RASAL2: variants seen among roughly 807,000 people sequenced by gnomAD.
RASAL2 encodes ras GTPase-activating protein nGAP.
Under a neutral mutation model 128.9 loss-of-function variants are expected in RASAL2, and 58 were observed. The observed-to-expected ratio is 0.45, with a 90% confidence interval of 0.36 to 0.56. The LOEUF (loss-of-function observed/expected upper bound fraction) is 0.56, where lower values mean the gene tolerates loss of function less well. RASAL2 is among the 20% of genes least tolerant of loss of function. The pLI is 0.00. For synonymous variants in RASAL2, 561 were observed against 580.8 expected, an observed-to-expected ratio of 0.97 and a Z score of 0.49; for missense variants, 1,360 against 1,601.6, an observed-to-expected ratio of 0.85 and a Z score of 2.57.
chr1:178,173,958 C>G (rs1435877309), intron 1 of RASAL2, among the ~76,000 whole-genome samples: 1 of 151,434 alleles, frequency 6.6e-6, no homozygotes, highest in Non-Finnish European at 1.5e-5. Context: ...CTTAATTCCC[C>G]CCTCCCCACT....
chr1:178,372,816 C>T (rs1671788918), intron 3 of RASAL2, among the ~76,000 whole-genome samples: 2 of 152,018 alleles, frequency 1.3e-5, no homozygotes, highest in African/African-American at 4.8e-5. Context: ...ACACATGGAC[C>T]TCCCATTGCT....
chr1:178,378,840 C>A (rs753019133), intron 3 of RASAL2, among the ~76,000 whole-genome samples: 5 of 151,976 alleles, frequency 3.3e-5, no homozygotes, highest in Middle Eastern at 3.4e-3. Flanking sequence ...AATCAATGAG[C>A]TAAGCGTTTA....
At chr1:178,464,454 G>A in intron 15 of RASAL2, 42 bp downstream of exon 15, 1 of 1,602,574 alleles carries the variant, frequency 6.2e-7, no homozygotes, top group Non-Finnish European at 8.5e-7. Flanking sequence ...ATCCCAAAAT[G>A]ACAGGCCACT....
At chr1:178,267,583 C>G (rs1011098742) in intron 1 of RASAL2, among the ~76,000 whole-genome samples, 7 of 144,468 alleles carry the variant, frequency 4.8e-5, no homozygotes, top group African/African-American at 1.8e-4. Flanking sequence ...TATTTTTACT[C>G]AAGGTCGATA....
chr1:178,178,875 T>C (rs1245867982), intron 1 of RASAL2, among the ~76,000 whole-genome samples: 1 of 152,226 alleles, frequency 6.6e-6, no homozygotes, highest in African/African-American at 2.4e-5. Flanking sequence ...TAAAGTTCAA[T>C]TGCTTTATTA....
chr1:178,268,992 C>T (rs1035746988), intron 1 of RASAL2, among the ~76,000 whole-genome samples: 1 of 152,152 alleles, frequency 6.6e-6, no homozygotes, highest in African/African-American at 2.4e-5. Flanking sequence ...CTATTATGAA[C>T]TGAGTGTGTC....
intron 4 of RASAL2, among the ~76,000 whole-genome samples, chr1:178,404,383 T>C (rs1400186983): frequency 6.6e-6 from 1 of 152,004 alleles, no homozygotes; most frequent in Non-Finnish European, 1.5e-5. Context: ...ATTTTTTTGT[T>C]TATGTGTTTG....
chr1:178,326,537 TTTTTA>T (rs565339387), intron 3 of RASAL2, among the ~76,000 whole-genome samples: 90 of 152,260 alleles, frequency 5.9e-4, no homozygotes, highest in African/African-American at 2.0e-3. Flanking sequence ...TCTAATTAAT[TTTTTA>T]TTTTATTTTA....
At chr1:178,452,757 T>C in intron 11 of RASAL2, 105 bp downstream of exon 11, 3 of 881,746 alleles carry the variant, frequency 3.4e-6, no homozygotes, top group Non-Finnish European at 5.4e-6. Context: ...TTACCAGATT[T>C]TCACTGTGTT....
intron 1 of RASAL2, among the ~76,000 whole-genome samples, chr1:178,268,372 G>A (rs917384156): frequency 5.9e-5 from 9 of 152,028 alleles, no homozygotes; most frequent in South Asian, 4.2e-4. Context: ...GGAGGCTGAG[G>A]CAGGAGAATT....
chr1:178,164,502 T>TGC (rs1286027270), intron 1 of RASAL2, among the ~76,000 whole-genome samples: 4 of 145,268 alleles, frequency 2.8e-5, no homozygotes, highest in Non-Finnish European at 4.6e-5. Flanking sequence ...TGTGTGTGTG[T>TGC]GTGCGTGTGT....
Position 178,441,601 on chromosome 1 carries a change from G to A in RASAL2, c.881G>A (p.Arg294Lys). The A allele has an allele frequency of 6.2e-7, 1 of 1,612,734 alleles. No homozygotes were observed. The highest frequency in any genetic ancestry group is 8.5e-7 in the Non-Finnish European group (1 of 1,179,176). ...TTCAGCTGTAATTCTGCTTCTGAGA[G>A]AGACAAGTGGATGGAAAACCTTCGC... is the stretch of plus-strand genomic sequence containing the variant. ...KCFSCNSASE[R>K]DKWMENLRRT... The change falls in exon 7 of 18, where the codon AGA becomes AAA. Residue 294 changes from arginine to lysine, a missense_variant. By Grantham distance (26) the Arg-to-Lys change is conservative. This residue lies in a region of RASAL2 where 617 missense variants were observed against 714.2 expected (regional missense o/e 0.86). Coordinates refer to ENST00000367649, the MANE Select transcript of RASAL2 (RefSeq NM_170692.4).
intron 4 of RASAL2, among the ~76,000 whole-genome samples, chr1:178,399,497 G>A (rs1673476556): frequency 1.3e-5 from 2 of 152,104 alleles, no homozygotes; most frequent in Admixed American, 6.5e-5. Flanking sequence ...GGCATGACAC[G>A]CAGGTTTGGT....
Position 178,466,047 on chromosome 1 carries a change from G to T in RASAL2, c.3515G>T (p.Arg1172Leu). 1 of 1,582,460 alleles carries T rather than the reference G, an allele frequency of 6.3e-7. No individual in the cohort carries two copies. Among genetic ancestry groups the T allele is most frequent in the South Asian group, 1.2e-5 (1 of 86,454 alleles). Reference protein sequence around the residue: ...MQKLLLEYKARLEDSEERLRR... With the variant: ...MQKLLLEYKALLEDSEERLRR... ...AAGCTGCTGCTGGAATACAAGGCCCGACTGGAGGACAGCGAGGAGCGGCTC... is the reference window on the plus strand; with the variant it reads ...AAGCTGCTGCTGGAATACAAGGCCCTACTGGAGGACAGCGAGGAGCGGCTC... The change falls in exon 16 of 18, where the codon CGA (arginine) becomes CTA (leucine). Residue 1172 changes from arginine to leucine, a missense_variant. Arg to Leu is a moderately radical substitution (Grantham distance 102). Transcript: ENST00000367649.
intron 5 of RASAL2, among the ~76,000 whole-genome samples, chr1:178,435,659 A>T (rs1432864597): frequency 6.6e-6 from 1 of 152,140 alleles, no homozygotes; most frequent in African/African-American, 2.4e-5. Context: ...AGAAATCAAG[A>T]TTGTCTGCTG....
intron 3 of RASAL2, among the ~76,000 whole-genome samples, chr1:178,306,697 T>C (rs899302032): frequency 6.6e-6 from 1 of 152,110 alleles, no homozygotes; most frequent in African/African-American, 2.4e-5. Context: ...AAGTGTCTTC[T>C]TTTGAGAAGT....
At chr1:178,132,468 A>T (rs1216931866) in intron 1 of RASAL2, among the ~76,000 whole-genome samples, 3 of 152,028 alleles carry the variant, frequency 2.0e-5, no homozygotes, top group Non-Finnish European at 2.9e-5. Flanking sequence ...GCAAGCTTTT[A>T]TGTTTGTAGT....
At chr1:178,159,085 A>G (rs1661184328) in intron 1 of RASAL2, among the ~76,000 whole-genome samples, 1 of 152,230 alleles carries the variant, frequency 6.6e-6, no homozygotes. Context: ...TTAGAATATA[A>G]ATAACAAATA....
intron 1 of RASAL2, among the ~76,000 whole-genome samples, chr1:178,211,909 A>G (rs1384540375): frequency 6.6e-6 from 1 of 152,210 alleles, no homozygotes; most frequent in Non-Finnish European, 1.5e-5. Context: ...TATAGAATGC[A>G]TTGTTTTTTA....
Sources: gnomAD v4.1 joint callset for allele counts (sites outside exome capture counted in the v4.1 genomes callset) on GRCh38, gnomAD v4.1.1 for gene constraint, gnomAD v4.1.1 regional missense constraint, MANE v1.5 for transcripts, NCBI Gene and HGNC (gene_info 2026-07-23, HGNC 2026-07-21) for gene names.